B3GALNT2: variants seen among roughly 807,000 people sequenced by gnomAD.
The protein encoded by B3GALNT2 is UDP-GalNAc:beta-1,3-N-acetylgalactosaminyltransferase 2.
A neutral mutation model predicts 61.1 loss-of-function variants in B3GALNT2; 53 were observed. That is an observed-to-expected ratio of 0.87 (90% confidence interval 0.70 to 1.09). The LOEUF is 1.09. Ranked by LOEUF, B3GALNT2 falls within the 50% of genes least tolerant of loss-of-function variation. The probability of loss-of-function intolerance (pLI) is 0.00; values close to 1 mark genes in which losing one functional copy is unlikely to be tolerated. For synonymous variants in B3GALNT2, 223 were observed against 237.4 expected (o/e 0.94, Z 0.56); for missense variants, 544 against 623.0 (o/e 0.87, Z 1.35).
intron 10 of B3GALNT2, 140 bp from the exon 11 acceptor site, chr1:235,453,286 G>A: frequency 1.2e-6 from 1 of 800,692 alleles, no homozygotes; most frequent in Non-Finnish European, 2.0e-6. Flanking sequence ...TAGCAAAAAT[G>A]GGTTCACATG....
At chr1:235,466,687 G>A (rs1194675051) in intron 6 of B3GALNT2, among the ~76,000 whole-genome samples, 1 of 152,152 alleles carries the variant, frequency 6.6e-6, no homozygotes, top group Admixed American at 6.5e-5. Flanking sequence ...TAAGCCTATT[G>A]TGCCAGCAGC....
intron 7 of B3GALNT2, 74 bp from the exon 8 acceptor site, chr1:235,458,860 A>G (rs181157460): frequency 1.3e-5 from 17 of 1,314,872 alleles, no homozygotes; most frequent in Admixed American, 8.9e-5. Context: ...GATGTACACT[A>G]AAGTTCTTTT....
At chr1:235,453,532 T>C (rs1683026325) in intron 10 of B3GALNT2, among the ~76,000 whole-genome samples, 1 of 151,986 alleles carries the variant, frequency 6.6e-6, no homozygotes, top group Admixed American at 6.6e-5. Flanking sequence ...CTCAGCTCAC[T>C]GCAAACTCCG....
At chr1:235,492,888 C>T (rs1257512175) in intron 2 of B3GALNT2, among the ~76,000 whole-genome samples, 1 of 152,130 alleles carries the variant, frequency 6.6e-6, no homozygotes, top group Admixed American at 6.6e-5. Context: ...TATGAAAGTA[C>T]AGTAAGGCAG....
chr1:235,479,415 T>C (rs1247963972), intron 5 of B3GALNT2: 1 of 152,256 alleles, frequency 6.6e-6, no homozygotes, highest in African/African-American at 2.4e-5. Context: ...AGCTGATGAA[T>C]GAATAATTTG....
intron 2 of B3GALNT2, among the ~76,000 whole-genome samples, chr1:235,493,044 G>A (rs994295270): frequency 1.3e-5 from 2 of 152,202 alleles, no homozygotes; most frequent in African/African-American, 4.8e-5. Flanking sequence ...CACTCTGGCT[G>A]CTGTATGGAA....
chr1:235,453,147 C>T lies in B3GALNT2; in HGVS notation c.1312-1G>A. The T allele has an allele frequency of 6.2e-7, 1 of 1,610,676 alleles. No homozygotes were observed. Among genetic ancestry groups the T allele is most frequent in the South Asian group, 1.1e-5 (1 of 90,974 alleles). ...AGATGCCCATGCTTACATCTTCACC[C>T]TATACATGGCCCATAAAGTTTAAAT... On this transcript the variant is annotated splice_acceptor_variant, in intron 10 of 11. Coordinates refer to ENST00000366600, the MANE Select transcript of B3GALNT2 (RefSeq NM_152490.5). LOFTEE classifies it high-confidence loss of function.
At chr1:235,467,822 C>G (rs1683783612) in intron 6 of B3GALNT2, among the ~76,000 whole-genome samples, 1 of 151,104 alleles carries the variant, frequency 6.6e-6, no homozygotes, top group African/African-American at 2.4e-5. Context: ...TCTTGTCGCC[C>G]AGGCTGGAGT....
downstream of B3GALNT2, among the ~76,000 whole-genome samples, chr1:235,444,077 A>G (rs1367571184): frequency 2.6e-5 from 4 of 152,378 alleles, no homozygotes; most frequent in Admixed American, 6.5e-5. Context: ...TTCTTTGCCC[A>G]TCAGTGCAGT....
intron 5 of B3GALNT2, among the ~76,000 whole-genome samples, chr1:235,473,286 G>C (rs908663047): frequency 6.6e-6 from 1 of 152,046 alleles, no homozygotes; most frequent in South Asian, 2.1e-4. Context: ...AATATTCCAA[G>C]AGTCCGGATT....
intron 7 of B3GALNT2, among the ~76,000 whole-genome samples, chr1:235,463,230 A>T (rs137912775): frequency 2.9e-3 from 436 of 152,164 alleles, no homozygotes; most frequent in Admixed American, 4.5e-3. Flanking sequence ...CTTGGTGGGG[A>T]CAGGGTGGGA....
intron 5 of B3GALNT2, among the ~76,000 whole-genome samples, chr1:235,473,080 A>G (rs968233916): frequency 6.6e-6 from 1 of 151,816 alleles, no homozygotes; most frequent in Non-Finnish European, 1.5e-5. Context: ...ATGCCTAGCT[A>G]ATTTTTGTAT....
intron 10 of B3GALNT2, 123 bp from the exon 11 acceptor site, chr1:235,453,269 T>A: frequency 1.1e-5 from 10 of 946,974 alleles, no homozygotes; most frequent in Middle Eastern, 2.4e-4. Context: ...ATTATTCTAA[T>A]ATGAAATAGC....
intron 1 of B3GALNT2, among the ~76,000 whole-genome samples, chr1:235,500,218 C>T (rs1018523482): frequency 2.6e-5 from 4 of 152,128 alleles, no homozygotes; most frequent in South Asian, 2.1e-4. Context: ...GAGGGCCTGG[C>T]GCAGTGGCTC....
intron 2 of B3GALNT2, among the ~76,000 whole-genome samples, chr1:235,490,178 T>C (rs528134794): frequency 6.6e-6 from 1 of 152,330 alleles, no homozygotes; most frequent in African/African-American, 2.4e-5. Context: ...ACAATATTAT[T>C]TATTCTCATG....
intron 4 of B3GALNT2, among the ~76,000 whole-genome samples, chr1:235,482,137 G>A (rs1017439611): frequency 1.3e-5 from 2 of 152,078 alleles, no homozygotes; most frequent in African/African-American, 4.8e-5. Flanking sequence ...AACTCTGGAT[G>A]AAACATAAAA....
At chr1:235,495,888 G>C (rs1260641042) in intron 1 of B3GALNT2, among the ~76,000 whole-genome samples, 4 of 152,042 alleles carry the variant, frequency 2.6e-5, no homozygotes, top group Non-Finnish European at 4.4e-5. Flanking sequence ...ACAAAACCAG[G>C]TTGATATTTT....
chr1:235,503,079 CTG>C (rs1327677804), intron 1 of B3GALNT2, among the ~76,000 whole-genome samples: 3 of 152,182 alleles, frequency 2.0e-5, no homozygotes, highest in Non-Finnish European at 4.4e-5. Context: ...TTTCATATAA[CTG>C]AGACTGTTTT....
rs185392484 is a variant in B3GALNT2, at chr1:235,447,929, C to T, written c.*2277G>A. On this transcript the variant is annotated 3_prime_UTR_variant, in exon 12 of 12. Coordinates refer to ENST00000366600, the MANE Select transcript of B3GALNT2 (RefSeq NM_152490.5). ...AGTGACTTGGGTAAAATGAAAGATA[C>T]AGCCAGGCGCTGGGCTCATGCTTGT... 1.3e-5 allele frequency among the ~76,000 whole-genome samples: 2 copies of T among 151,780 alleles called. No homozygotes were observed. Among genetic ancestry groups the T allele is most frequent in the Admixed American group, 6.6e-5 (1 of 15,238 alleles).
Sources: gnomAD v4.1 joint callset for allele counts (sites outside exome capture counted in the v4.1 genomes callset) on GRCh38, gnomAD v4.1.1 for gene constraint, MANE v1.5 for transcripts, NCBI Gene and HGNC (gene_info 2026-07-23, HGNC 2026-07-21) for gene names.